ZNF184: variants seen among roughly 807,000 people sequenced by gnomAD.
The protein encoded by ZNF184 is zinc finger protein 184 (Kruppel-like).
A neutral mutation model predicts 54.4 loss-of-function variants in ZNF184; 16 were observed. The ratio of observed to expected loss-of-function variants is 0.29; its 90% confidence interval spans 0.20 to 0.45. The LOEUF is 0.45. Among genes scored for constraint, ZNF184 ranks in the 20% least tolerant of loss-of-function variants. The pLI, the probability that ZNF184 is intolerant of heterozygous loss-of-function variation, is 1.00. For synonymous variants in ZNF184, 254 were observed against 295.3 expected (o/e 0.86, Z 1.43); for missense variants, 681 against 888.2 (o/e 0.77, Z 2.97).
the ZNF184 span, among the ~76,000 whole-genome samples, chr6:27,422,148 A>AAAAAGAAAG: frequency 4.6e-5 from 2 of 43,472 alleles, no homozygotes; most frequent in East Asian, 7.9e-4. Flanking sequence ...CTCAAAAAAA[A>AAAAAGAAAG]AAAGAAAGAA....
At chr6:27,424,385 G>A in the ZNF184 span, among the ~76,000 whole-genome samples, 9 of 152,170 alleles carry the variant, frequency 5.9e-5, no homozygotes, top group African/African-American at 1.4e-4. Flanking sequence ...TGCCACTGCT[G>A]GCCCCGCAGC....
the ZNF184 span, among the ~76,000 whole-genome samples, chr6:27,438,887 T>C: frequency 6.6e-6 from 1 of 152,204 alleles, no homozygotes; most frequent in Non-Finnish European, 1.5e-5. Flanking sequence ...AATTTTGAGT[T>C]TTTTTACAAA....
chr6:27,457,864 T>G (rs925937982), intron 3 of ZNF184, among the ~76,000 whole-genome samples: 2 of 152,148 alleles, frequency 1.3e-5, no homozygotes, highest in Non-Finnish European at 2.9e-5. Context: ...TGGCCTAGTC[T>G]GGAATAAAAC....
chr6:27,432,562 T>C, the ZNF184 span, among the ~76,000 whole-genome samples: 2 of 152,170 alleles, frequency 1.3e-5, no homozygotes, highest in Non-Finnish European at 2.9e-5. This position sits in a 1 kb window ranked among gnomAD's most constrained non-coding sequence, Gnocchi z 4.0. Flanking sequence ...TTTTCTGAGA[T>C]AGGAGAGGCT....
the ZNF184 span, among the ~76,000 whole-genome samples, chr6:27,435,674 T>C: frequency 6.6e-6 from 1 of 152,226 alleles, no homozygotes; most frequent in East Asian, 1.9e-4. Context: ...TCCAATAATG[T>C]GTTGTAAATT....
chr6:27,442,553 CGA>C, the ZNF184 span, among the ~76,000 whole-genome samples: 1 of 151,726 alleles, frequency 6.6e-6, no homozygotes, highest in Non-Finnish European at 1.5e-5. Context: ...CCCAGGAGTT[CGA>C]GGCTGCACTC....
chr6:27,467,574 C>T (rs143844506), intron 3 of ZNF184, among the ~76,000 whole-genome samples: 7,423 of 151,956 alleles, frequency 0.049, 259 homozygotes, highest in Non-Finnish European at 0.073. Flanking sequence ...CCAGCCTGGG[C>T]GACAGAGGGA....
At chr6:27,417,786 T>C in the ZNF184 span, among the ~76,000 whole-genome samples, 1 of 152,322 alleles carries the variant, frequency 6.6e-6, no homozygotes, top group Non-Finnish European at 1.5e-5. Flanking sequence ...ATAGAAAACC[T>C]GAACACTAAA....
At chr6:27,469,135 C>A (rs1763211634) in intron 2 of ZNF184, among the ~76,000 whole-genome samples, 1 of 152,306 alleles carries the variant, frequency 6.6e-6, no homozygotes, top group African/African-American at 2.4e-5. Context: ...CCCTTGTCTT[C>A]TTTAGGCTTC....
At chr6:27,440,532 A>C in the ZNF184 span, among the ~76,000 whole-genome samples, 1 of 152,194 alleles carries the variant, frequency 6.6e-6, no homozygotes, top group Non-Finnish European at 1.5e-5. Context: ...CCTCTGGTAT[A>C]CTGACACAAT....
At chr6:27,469,009 A>C (rs1458007404) in intron 2 of ZNF184, among the ~76,000 whole-genome samples, 2 of 152,186 alleles carry the variant, frequency 1.3e-5, no homozygotes, top group Middle Eastern at 3.2e-3. Flanking sequence ...TACCTTAATA[A>C]ACAAAACAAA....
chr6:27,413,003 G>A, the ZNF184 span, among the ~76,000 whole-genome samples: 4 of 152,218 alleles, frequency 2.6e-5, no homozygotes, highest in Non-Finnish European at 4.4e-5. Flanking sequence ...TTGGGAGGCC[G>A]AGGCAGGCAG....
At position 27,451,694 on chromosome 6, in the gene ZNF184, G is replaced by C. The variant is rs761489544; in HGVS notation, c.1865C>G (p.Ala622Gly). 3 of 1,614,028 alleles carry C rather than the reference G, an allele frequency of 1.9e-6. No homozygotes were observed. The South Asian group carries it at 3.3e-5, about 18-fold the overall frequency. ...AGCAAGAGATGAACAATGTCGAAAG[G>C]CTTTACCACACTCAGCACACTCATA... is the stretch of plus-strand genomic sequence containing the variant. ...KPYECAECGKAFRHCSSLAQH... is the reference protein window; with the variant it reads ...KPYECAECGKGFRHCSSLAQH... Residue 622 changes from alanine (A) to glycine (G), a missense_variant, in exon 6 of 6, where the codon GCC becomes GGC. Coordinates refer to ENST00000683788, the MANE Select transcript of ZNF184 (RefSeq NM_001318891.2).
chr6:27,435,521 T>C, the ZNF184 span, among the ~76,000 whole-genome samples: 165 of 152,324 alleles, frequency 1.1e-3, 1 homozygote, highest in African/African-American at 3.9e-3. Flanking sequence ...ATTCCTTTAT[T>C]AGCTCTAGGT....
Position 27,472,403 on chromosome 6 carries a change from G to C in ZNF184, c.-109C>G. On this transcript the variant is annotated 5_prime_UTR_variant, in exon 2 of 6. Transcript: ENST00000683788. The surrounding 1 kb of genome is among the most constrained non-coding windows in gnomAD (Gnocchi z 4.8). ...ACTCAGATGTCTAACTCCCCTTGCA[G>C]GGAATCTGCAACACGCTGAGGTTGT... is the stretch of plus-strand genomic sequence containing the variant. The C allele has an allele frequency of 1.4e-6, 2 of 1,443,628 alleles. No homozygotes were observed. The highest frequency in any genetic ancestry group is 1.9e-6 in the Non-Finnish European group (2 of 1,035,998). The allele number at this position is 1,443,628 out of a possible 1,614,324, so 89.4% of individuals were successfully genotyped here. A position where few individuals can be genotyped will look rare whatever the true frequency, so the allele number is the denominator to read the frequency against.
chr6:27,405,901 A>G, the ZNF184 span: 2 of 152,078 alleles, frequency 1.3e-5, no homozygotes, highest in Non-Finnish European at 2.9e-5. Flanking sequence ...AGCCAACTCT[A>G]TTGGTGGTTA....
In ZNF184 at chr6:27,453,364, C is replaced by A. The variant is rs1355494449; in HGVS notation, c.299-104G>T. On this transcript the variant is annotated intron_variant, in intron 5 of 5. Transcript: ENST00000683788. This position sits in a 1 kb window ranked among gnomAD's most constrained non-coding sequence, Gnocchi z 4.7. ...TGAAAAATAAATCTCTCAGAAAATT[C>A]TAATGGTTTTCAAATATATAGCCAT... 1.6e-6 allele frequency: 2 copies of A among 1,215,608 alleles called. No individual in the cohort carries two copies. Among genetic ancestry groups the A allele is most frequent in the Non-Finnish European group, 2.2e-6 (2 of 915,132 alleles). The allele number at this position is 1,215,608 out of a possible 1,614,324, so 75.3% of individuals were successfully genotyped here. A position where few individuals can be genotyped will look rare whatever the true frequency, so the allele number is the denominator to read the frequency against.
chr6:27,425,335 G>A, the ZNF184 span, among the ~76,000 whole-genome samples: 6 of 152,270 alleles, frequency 3.9e-5, no homozygotes, highest in Non-Finnish European at 8.8e-5. Flanking sequence ...CCCAGGCAGA[G>A]GAGGCGCCGA....
downstream of ZNF184, among the ~76,000 whole-genome samples, chr6:27,447,732 A>C (rs1762654697): frequency 6.6e-6 from 1 of 152,212 alleles, no homozygotes; most frequent in Admixed American, 6.5e-5. Flanking sequence ...AAACAAAAAA[A>C]CAAATAAAAG....
Sources: gnomAD v4.1 joint callset for allele counts (sites outside exome capture counted in the v4.1 genomes callset) on GRCh38, gnomAD v4.1.1 for gene constraint, Gnocchi (gnomAD v3.1) non-coding constraint, MANE v1.5 for transcripts, NCBI Gene and HGNC (gene_info 2026-07-23, HGNC 2026-07-21) for gene names.